ATP1B3: variants seen among roughly 807,000 people sequenced by gnomAD.
The protein encoded by ATP1B3 is sodium/potassium-transporting ATPase subunit beta-3.
A neutral mutation model predicts 30.2 loss-of-function variants in ATP1B3; 10 were observed. That is an observed-to-expected ratio of 0.33 (90% CI 0.20 to 0.56). The LOEUF is 0.56. ATP1B3 is among the 20% of genes least tolerant of loss of function. The pLI is 0.90. For missense variants in ATP1B3, 238 were observed against 336.7 expected (o/e 0.71, Z 2.29); for synonymous variants, 113 against 117.0 (o/e 0.97, Z 0.22).
intron 6 of ATP1B3, among the ~76,000 whole-genome samples, chr3:141,925,190 C>T (rs918554251): frequency 6.6e-6 from 1 of 151,688 alleles, no homozygotes; most frequent in Non-Finnish European, 1.5e-5. Flanking sequence ...TTACAAGCCA[C>T]GTATGGTGGC....
intron 1 of ATP1B3, among the ~76,000 whole-genome samples, chr3:141,881,909 TC>T (rs1246885559): frequency 6.6e-6 from 1 of 151,754 alleles, no homozygotes; most frequent in Non-Finnish European, 1.5e-5. Context: ...AGAAAGTACT[TC>T]CTGGATTGTC....
At chr3:141,901,438 CTAGTT>C (rs1376533120) in intron 1 of ATP1B3, among the ~76,000 whole-genome samples, 3 of 152,124 alleles carry the variant, frequency 2.0e-5, no homozygotes, top group Admixed American at 6.5e-5. Flanking sequence ...GTGAGACTGA[CTAGTT>C]TAAGTTTTTA....
intron 1 of ATP1B3, chr3:141,902,233 TGG>T (rs5853057): frequency 3.9e-6 from 5 of 1,280,804 alleles, no homozygotes; most frequent in Non-Finnish European, 5.1e-6. Flanking sequence ...ACCTGGTAAT[TGG>T]GGGGGAGGGG....
At chr3:141,888,058 ATT>A (rs927804671) in intron 1 of ATP1B3, among the ~76,000 whole-genome samples, 8 of 152,158 alleles carry the variant, frequency 5.3e-5, no homozygotes, top group African/African-American at 1.9e-4. Flanking sequence ...CTGAATATGC[ATT>A]TTTTCTCAAT....
intron 1 of ATP1B3, among the ~76,000 whole-genome samples, chr3:141,884,444 T>A (rs1933792714): frequency 6.6e-6 from 1 of 152,150 alleles, no homozygotes. Context: ...CTTCCTGTCT[T>A]CTAAGTGTTT....
intron 1 of ATP1B3, among the ~76,000 whole-genome samples, chr3:141,891,003 T>C (rs1468619371): frequency 6.6e-6 from 1 of 152,226 alleles, no homozygotes; most frequent in Admixed American, 6.5e-5. Flanking sequence ...TTTGGTTTAT[T>C]TTTTTAATTG....
chr3:141,908,676 C>T (rs890001463), intron 3 of ATP1B3, among the ~76,000 whole-genome samples: 4 of 152,212 alleles, frequency 2.6e-5, no homozygotes, highest in Non-Finnish European at 4.4e-5. Context: ...AATGGACTTG[C>T]TTAACTGCCT....
At chr3:141,880,980 G>A (rs1196712224) in intron 1 of ATP1B3, among the ~76,000 whole-genome samples, 3 of 152,118 alleles carry the variant, frequency 2.0e-5, no homozygotes, top group Non-Finnish European at 2.9e-5. Flanking sequence ...TGAGGCGGGC[G>A]GATCACCTGA....
At chr3:141,898,830 C>T (rs1934114046) in intron 1 of ATP1B3, among the ~76,000 whole-genome samples, 1 of 152,158 alleles carries the variant, frequency 6.6e-6, no homozygotes, top group African/African-American at 2.4e-5. Context: ...ATAAACAACT[C>T]ACATGCACAT....
intron 1 of ATP1B3, among the ~76,000 whole-genome samples, chr3:141,901,098 A>C (rs1934154642): frequency 6.6e-6 from 1 of 152,142 alleles, no homozygotes; most frequent in Non-Finnish European, 1.5e-5. Context: ...TAGTTTCTTT[A>C]GTTGGGTAAT....
chr3:141,888,404 G>A (rs1933876702), intron 1 of ATP1B3, among the ~76,000 whole-genome samples: 1 of 152,088 alleles, frequency 6.6e-6, no homozygotes, highest in Non-Finnish European at 1.5e-5. Flanking sequence ...ATAGAAATAA[G>A]TAGGTTCTTG....
At chr3:141,889,754 TATACACACAC>T (rs1398230937) in intron 1 of ATP1B3, among the ~76,000 whole-genome samples, 3 of 75,030 alleles carry the variant, frequency 4.0e-5, no homozygotes, top group African/African-American at 7.0e-5. Context: ...AAAAAAAATA[TATACACACAC>T]ACACACACAC....
intron 5 of ATP1B3, among the ~76,000 whole-genome samples, chr3:141,917,288 A>G (rs1934482067): frequency 1.3e-5 from 2 of 152,170 alleles, no homozygotes; most frequent in Admixed American, 1.3e-4. Context: ...AGAGTAGCAT[A>G]AAAAGCCAGG....
rs773985115 is a variant in ATP1B3, at chr3:141,926,026, A to G, written c.*325A>G. ...TGTCTAAAGCTTAATATGCCGTGCTATGTAAATATTTTATGGATATAACAA... is the reference window on the plus strand; with the variant it reads ...TGTCTAAAGCTTAATATGCCGTGCTGTGTAAATATTTTATGGATATAACAA... On this transcript the variant is annotated 3_prime_UTR_variant, in exon 7 of 7. Coordinates refer to ENST00000286371, the MANE Select transcript of ATP1B3 (RefSeq NM_001679.4). 5.4e-5 allele frequency: 12 copies of G among 220,472 alleles called. No homozygotes were observed. Among genetic ancestry groups the G allele is most frequent in the East Asian group, 1.9e-4 (2 of 10,410 alleles). 13.7% of individuals were successfully genotyped at this position (220,472 alleles called of 1,614,324 possible). A position where few individuals can be genotyped will look rare whatever the true frequency, so the allele number is the denominator to read the frequency against.
chr3:141,903,675 A>T lies in ATP1B3; in HGVS notation c.165A>T (p.Ser55=), dbSNP rs1380949019. ...VFYGFLAALF[S]FTMWVMLQTL... Reference sequence around the variant, plus strand: ...ATGGGTTCCTGGCTGCACTCTTCTCATTCACGATGTGGGTTATGCTTCAGA... The same window carrying T: ...ATGGGTTCCTGGCTGCACTCTTCTCTTTCACGATGTGGGTTATGCTTCAGA... The change falls in exon 2 of 7, where the codon TCA becomes TCT. Residue 55 remains serine, a synonymous_variant. Coordinates refer to ENST00000286371, the MANE Select transcript of ATP1B3 (RefSeq NM_001679.4). 6.2e-7 allele frequency: 1 copy of T among 1,614,060 alleles called. No homozygotes were observed. The highest frequency in any genetic ancestry group is 1.7e-5 in the Admixed American group (1 of 60,022).
intron 1 of ATP1B3, among the ~76,000 whole-genome samples, chr3:141,896,854 ACTTTT>A (rs1934076451): frequency 1.3e-5 from 2 of 151,984 alleles, no homozygotes; most frequent in South Asian, 4.1e-4. Context: ...TGAGTTTGGT[ACTTTT>A]CTTTATGGAT....
intron 1 of ATP1B3, among the ~76,000 whole-genome samples, chr3:141,885,912 CA>C (rs1559864936): frequency 3.3e-5 from 5 of 151,180 alleles, no homozygotes; most frequent in African/African-American, 1.2e-4. Flanking sequence ...CACACACACA[CA>C]CACACACACA....
At chr3:141,916,624 TA>T in intron 5 of ATP1B3, 1 of 1,151,666 alleles carries the variant, frequency 8.7e-7, no homozygotes, top group Non-Finnish European at 1.2e-6. Flanking sequence ...TTGTGCTAAA[TA>T]TTAACATTTC....
chr3:141,916,443 A>G (rs1934465086), intron 5 of ATP1B3: 1 of 662,032 alleles, frequency 1.5e-6, no homozygotes, highest in Non-Finnish European at 2.4e-6. Context: ...TCCTTAAGGT[A>G]GAAGCATTAT....
Sources: allele counts gnomAD v4.1 joint callset (sites outside exome capture counted in the v4.1 genomes callset), GRCh38; gene constraint gnomAD v4.1.1; transcripts MANE v1.5; gene names NCBI Gene and HGNC (gene_info 2026-07-23, HGNC 2026-07-21).